The following TNFSF4 variants were observed in gnomAD, a reference collection of about 807,000 sequenced individuals.
The protein encoded by TNFSF4 is TNF superfamily member 4.
A neutral mutation model predicts 7.3 loss-of-function variants in TNFSF4; 4 were observed. The ratio of observed to expected loss-of-function variants is 0.55; its 90% confidence interval spans 0.27 to 1.25. The LOEUF (loss-of-function observed/expected upper bound fraction) is 1.25. TNFSF4 is among the 50% of genes most tolerant of loss of function. TNFSF4 has a pLI of 0.12. For missense variants in TNFSF4, 181 were observed against 208.8 expected, an observed-to-expected ratio of 0.87 and a Z score of 0.82; for synonymous variants, 76 against 83.7, an observed-to-expected ratio of 0.91 and a Z score of 0.50.
At chr1:173,243,346 T>C in the TNFSF4 span, among the ~76,000 whole-genome samples, 1 of 152,122 alleles carries the variant, frequency 6.6e-6, no homozygotes, top group Non-Finnish European at 1.5e-5. Flanking sequence ...AACCAATCAA[T>C]AATCCCATTT....
the TNFSF4 span, among the ~76,000 whole-genome samples, chr1:173,329,988 T>A: frequency 6.6e-6 from 1 of 152,196 alleles, no homozygotes; most frequent in Admixed American, 6.5e-5. Context: ...CTTTCTTCGG[T>A]CATATTTGTG....
chr1:173,294,730 G>T, the TNFSF4 span, among the ~76,000 whole-genome samples: 17 of 151,902 alleles, frequency 1.1e-4, no homozygotes, highest in African/African-American at 3.4e-4. Context: ...AAACAATAGA[G>T]AAAAATCAGT....
chr1:173,300,156 GATAGATAC>G, the TNFSF4 span, among the ~76,000 whole-genome samples: 3 of 131,966 alleles, frequency 2.3e-5, no homozygotes, highest in Non-Finnish European at 4.7e-5. Flanking sequence ...ATAGATGATT[GATAGATAC>G]ATACATACAT....
At chr1:173,229,605 G>A in the TNFSF4 span, among the ~76,000 whole-genome samples, 2 of 152,096 alleles carry the variant, frequency 1.3e-5, no homozygotes, top group Admixed American at 6.5e-5. Flanking sequence ...ATGTAAATGG[G>A]CTAAATGCTC....
chr1:173,211,065 T>G (rs144634045), upstream of TNFSF4, among the ~76,000 whole-genome samples: 2 of 152,210 alleles, frequency 1.3e-5, no homozygotes, highest in Non-Finnish European at 2.9e-5. Context: ...GAGTCTGCAA[T>G]GATTCAAGTG....
At chr1:173,249,977 G>A in the TNFSF4 span, among the ~76,000 whole-genome samples, 1 of 151,782 alleles carries the variant, frequency 6.6e-6, no homozygotes, top group South Asian at 2.1e-4. Flanking sequence ...GTTTACCTAT[G>A]TAACAAACCT....
the TNFSF4 span, among the ~76,000 whole-genome samples, chr1:173,372,761 CAT>C: frequency 6.6e-6 from 1 of 152,214 alleles, no homozygotes; most frequent in Admixed American, 6.5e-5. Context: ...TTCAAATACA[CAT>C]GTGTGTGGCC....
chr1:173,297,636 TGA>T, the TNFSF4 span, among the ~76,000 whole-genome samples: 1 of 151,810 alleles, frequency 6.6e-6, no homozygotes, highest in African/African-American at 2.4e-5. Context: ...ATCTGGCCCA[TGA>T]GAGGAGGCTG....
the TNFSF4 span, among the ~76,000 whole-genome samples, chr1:173,443,629 C>G: frequency 6.6e-6 from 1 of 152,146 alleles, no homozygotes; most frequent in African/African-American, 2.4e-5. Flanking sequence ...CCCTCAGGCT[C>G]TTGACTCCAG....
chr1:173,419,372 T>G, the TNFSF4 span, among the ~76,000 whole-genome samples: 1 of 148,018 alleles, frequency 6.8e-6, no homozygotes, highest in Non-Finnish European at 1.5e-5. Context: ...AGAGTTAGAG[T>G]AACCCAAGCG....
the TNFSF4 span, among the ~76,000 whole-genome samples, chr1:173,304,811 T>C: frequency 1.3e-5 from 2 of 151,990 alleles, no homozygotes; most frequent in Non-Finnish European, 2.9e-5. Flanking sequence ...CCTCATAACC[T>C]AGTGTCAGAA....
upstream of TNFSF4, among the ~76,000 whole-genome samples, chr1:173,210,971 G>A (rs1297003665): frequency 6.6e-6 from 1 of 152,204 alleles, no homozygotes; most frequent in East Asian, 1.9e-4. Context: ...TCATTTAAAT[G>A]CAGGCTCTTT....
the TNFSF4 span, among the ~76,000 whole-genome samples, chr1:173,433,094 C>A: frequency 6.6e-6 from 1 of 152,118 alleles, no homozygotes; most frequent in Non-Finnish European, 1.5e-5. Flanking sequence ...CTATACTAGA[C>A]ACTGGGAAAA....
the TNFSF4 span, among the ~76,000 whole-genome samples, chr1:173,382,914 G>A: frequency 6.7e-6 from 1 of 149,296 alleles, no homozygotes; most frequent in Non-Finnish European, 1.5e-5. Context: ...ACACACAAAG[G>A]TGCGTCAAAA....
intron 1 of TNFSF4, chr1:173,205,331 A>G (rs1363591929): frequency 1.2e-6 from 2 of 1,612,052 alleles, no homozygotes; most frequent in African/African-American, 2.7e-5. Context: ...AGTGTCCTAG[A>G]AACCAGCACC....
chr1:173,180,535 A>T (rs1649037418), downstream of TNFSF4, among the ~76,000 whole-genome samples: 1 of 152,204 alleles, frequency 6.6e-6, no homozygotes, highest in Non-Finnish European at 1.5e-5. Flanking sequence ...ATGAAAATTC[A>T]TAGATAAAAT....
chr1:173,374,437 A>G, the TNFSF4 span, among the ~76,000 whole-genome samples: 1 of 152,034 alleles, frequency 6.6e-6, no homozygotes, highest in Non-Finnish European at 1.5e-5. Flanking sequence ...TCTTAGATTC[A>G]CCACACCGGA....
chr1:173,398,937 C>T, the TNFSF4 span, among the ~76,000 whole-genome samples: 1 of 152,126 alleles, frequency 6.6e-6, no homozygotes, highest in Admixed American at 6.5e-5. Context: ...AAGTAAAGCC[C>T]GCAGTCCTGC....
the TNFSF4 span, among the ~76,000 whole-genome samples, chr1:173,354,764 A>T: frequency 1.3e-5 from 2 of 152,186 alleles, no homozygotes; most frequent in African/African-American, 2.4e-5. Flanking sequence ...AGAAATTAAA[A>T]TTTTTTTAAA....
Sources: gnomAD v4.1 joint callset for allele counts (sites outside exome capture counted in the v4.1 genomes callset) on GRCh38, gnomAD v4.1.1 for gene constraint, MANE v1.5 for transcripts, NCBI Gene and HGNC (gene_info 2026-07-23, HGNC 2026-07-21) for gene names.